The following DGKI variants were observed in gnomAD, a reference collection of about 807,000 sequenced individuals.
DGKI encodes the protein DAG kinase iota.
A neutral mutation model predicts 147.5 loss-of-function variants in DGKI; 55 were observed. The observed-to-expected ratio is 0.37, with a 90% CI of 0.30 to 0.47. The LOEUF (loss-of-function observed/expected upper bound fraction) is 0.47. DGKI is among the 20% of genes least tolerant of loss of function. The probability of loss-of-function intolerance (pLI) is 1.00; values close to 1 mark genes in which losing one functional copy is unlikely to be tolerated. For synonymous variants in DGKI, 469 were observed against 477.1 expected (o/e 0.98, Z 0.22); for missense variants, 1,007 against 1,323.8 (o/e 0.76, Z 3.71).
At chr7:137,668,788 C>A (rs1032812154) in intron 3 of DGKI, among the ~76,000 whole-genome samples, 1 of 152,140 alleles carries the variant, frequency 6.6e-6, no homozygotes, top group Non-Finnish European at 1.5e-5. Context: ...AGTTGTTTCA[C>A]CTCACAAGCT....
At chr7:137,614,921 T>G (rs1396173886) in intron 8 of DGKI, among the ~76,000 whole-genome samples, 1 of 152,080 alleles carries the variant, frequency 6.6e-6, no homozygotes, top group Admixed American at 6.6e-5. Context: ...TCTCAGTTAG[T>G]TCTATCAACT....
chr7:137,585,071 C>A, intron 14 of DGKI, 138 bp downstream of exon 14: 1 of 958,120 alleles, frequency 1.0e-6, no homozygotes, highest in East Asian at 2.4e-5. Context: ...CACATAGCCC[C>A]AGTAGCCATC....
chr7:137,817,292 C>T (rs1797768269), intron 1 of DGKI, among the ~76,000 whole-genome samples: 1 of 152,136 alleles, frequency 6.6e-6, no homozygotes. Flanking sequence ...CATTTGTATT[C>T]AGTGTCTATA....
chr7:137,501,885 G>A (rs1478011473), intron 21 of DGKI, among the ~76,000 whole-genome samples: 7 of 152,142 alleles, frequency 4.6e-5, no homozygotes, highest in African/African-American at 1.7e-4. Context: ...CATGTTGTGG[G>A]AGGGACCTGG....
chr7:137,587,030 A>G lies in DGKI; in HGVS notation c.1425+67T>C. 4 of 1,175,026 alleles carry G rather than the reference A, an allele frequency of 3.4e-6. 1 individual carries two copies. Among genetic ancestry groups the G allele is most frequent in the Middle Eastern group, 2.1e-4 (1 of 4,824 alleles). The allele number at this position is 1,175,026 out of a possible 1,614,324, so 72.8% of individuals were successfully genotyped here. ...AGCAGTACCCCCCTCTTCCATTAGAACATCAGTGGATCTGGAATCCGGTTT... is the reference window on the plus strand; with the variant it reads ...AGCAGTACCCCCCTCTTCCATTAGAGCATCAGTGGATCTGGAATCCGGTTT... On this transcript the variant is annotated intron_variant, in intron 13 of 32. Coordinates refer to ENST00000614521, the MANE Select transcript of DGKI (RefSeq NM_001321708.2).
At chr7:137,551,192 G>T (rs1255124975) in intron 20 of DGKI, among the ~76,000 whole-genome samples, 1 of 152,072 alleles carries the variant, frequency 6.6e-6, no homozygotes, top group Non-Finnish European at 1.5e-5. Flanking sequence ...GGACAGACAG[G>T]ATTTTTTACC....
chr7:137,424,232 G>A (rs1161494229), intron 28 of DGKI, among the ~76,000 whole-genome samples: 1 of 152,134 alleles, frequency 6.6e-6, no homozygotes, highest in African/African-American at 2.4e-5. Flanking sequence ...GCATGCCCAA[G>A]ACATAAAACA....
At chr7:137,435,188 C>T (rs905913577) in intron 28 of DGKI, among the ~76,000 whole-genome samples, 1 of 152,064 alleles carries the variant, frequency 6.6e-6, no homozygotes, top group Admixed American at 6.6e-5. Flanking sequence ...GGGCACAGCA[C>T]AGAATAGGGC....
intron 21 of DGKI, among the ~76,000 whole-genome samples, chr7:137,494,113 T>C (rs1171055007): frequency 6.6e-6 from 1 of 150,694 alleles, no homozygotes; most frequent in Non-Finnish European, 1.5e-5. Context: ...CTCAGACAAA[T>C]ATGAAGCAAA....
intron 5 of DGKI, among the ~76,000 whole-genome samples, chr7:137,650,949 T>G (rs1379821899): frequency 6.6e-6 from 1 of 152,168 alleles, no homozygotes; most frequent in Non-Finnish European, 1.5e-5. Context: ...ATATGCCTCA[T>G]AAATGGAAAG....
At chr7:137,613,977 C>T (rs745739804) in intron 8 of DGKI, among the ~76,000 whole-genome samples, 4 of 152,092 alleles carry the variant, frequency 2.6e-5, no homozygotes, top group East Asian at 1.9e-4. Flanking sequence ...GAAGAGACAG[C>T]GGAGATGCTT....
At chr7:137,400,667 G>A (rs916864850) in intron 30 of DGKI, among the ~76,000 whole-genome samples, 3 of 151,980 alleles carry the variant, frequency 2.0e-5, no homozygotes, top group Admixed American at 6.6e-5. Flanking sequence ...TTCCCTCCAC[G>A]CCCTTTCATC....
intron 1 of DGKI, among the ~76,000 whole-genome samples, chr7:137,712,294 A>C (rs564355872): frequency 1.2e-4 from 18 of 152,274 alleles, no homozygotes; most frequent in African/African-American, 4.3e-4. Flanking sequence ...TACCCTTTAT[A>C]ATTTCCAAAT....
intron 3 of DGKI, among the ~76,000 whole-genome samples, chr7:137,665,926 A>G (rs185588620): frequency 1.7e-4 from 26 of 152,372 alleles, no homozygotes; most frequent in African/African-American, 5.8e-4. Context: ...GAAGCAGCCA[A>G]TCGGGGCTCA....
chr7:137,517,245 GAAAAGAA>G (rs372778843), intron 21 of DGKI, among the ~76,000 whole-genome samples: 147 of 98,186 alleles, frequency 1.5e-3, no homozygotes, highest in East Asian at 5.1e-3. Flanking sequence ...AAGAAAGAAA[GAAAAGAA>G]AAAGAAAGAA....
chr7:137,805,894 A>C (rs890961276), intron 1 of DGKI, among the ~76,000 whole-genome samples: 1 of 152,268 alleles, frequency 6.6e-6, no homozygotes, highest in African/African-American at 2.4e-5. Flanking sequence ...GCCAAGGCTA[A>C]GCCAGTGTCA....
chr7:137,513,918 G>A, intron 21 of DGKI: 1 of 774,132 alleles, frequency 1.3e-6, no homozygotes, highest in Non-Finnish European at 2.2e-6. Flanking sequence ...GAAGAAAGAT[G>A]AGGCAGAGGT....
At chr7:137,556,004 T>C (rs2128968264) in intron 19 of DGKI, among the ~76,000 whole-genome samples, 1 of 152,260 alleles carries the variant, frequency 6.6e-6, no homozygotes, top group Middle Eastern at 3.4e-3. Flanking sequence ...AGTGGTCTCT[T>C]TTATAGAAGT....
chr7:137,498,306 G>A (rs1816045583), intron 21 of DGKI, among the ~76,000 whole-genome samples: 1 of 151,700 alleles, frequency 6.6e-6, no homozygotes, highest in Non-Finnish European at 1.5e-5. Context: ...AGTCCAGGAG[G>A]TCCCAATAAG....
Sources: gnomAD v4.1 joint callset for allele counts (sites outside exome capture counted in the v4.1 genomes callset) on GRCh38, gnomAD v4.1.1 for gene constraint, MANE v1.5 for transcripts, NCBI Gene and HGNC (gene_info 2026-07-23, HGNC 2026-07-21) for gene names.